The following DCAF8L2 variants were observed in gnomAD, a reference collection of about 807,000 sequenced individuals.
DCAF8L2 encodes the protein DDB1- and CUL4-associated factor 8-like protein 2.
For synonymous variants in DCAF8L2, 200 were observed against 190.9 expected, an observed-to-expected ratio of 1.05 and a Z score of -0.39; for missense variants, 430 against 490.7, an observed-to-expected ratio of 0.88 and a Z score of 1.17.
the DCAF8L2 span, among the ~76,000 whole-genome samples, chrX:27,479,939 G>C: frequency 1.5e-3 from 167 of 111,967 alleles, no homozygotes; most frequent in African/African-American, 5.0e-3. Context: ...GATGGCCTAT[G>C]AGCCAAAAAA....
chrX:27,685,623 A>C (rs1483353736), intron 3 of DCAF8L2, among the ~76,000 whole-genome samples: 1 of 112,035 alleles, frequency 8.9e-6, no homozygotes, highest in Non-Finnish European at 1.9e-5. Context: ...GAAACTTTGA[A>C]AGTATTAGAA....
At position 27,590,344 on chromosome X, in the gene DCAF8L2, G is replaced by A. The variant is rs1022128209; in HGVS notation, c.-438G>A. On this transcript the variant is annotated 5_prime_UTR_variant, in exon 1 of 5. The change creates a new upstream start codon in the 5' untranslated region. Coordinates refer to ENST00000451261, the MANE Select transcript of DCAF8L2 (RefSeq NM_001353450.2). ...GAACCATGAGAGATAGTTTTGTTCT[G>A]TGGAGTCGCAAAAGCTGAACATCCT... 6.3e-5 allele frequency: 7 copies of A among 111,575 alleles called. No homozygotes were observed. In the Middle Eastern group the frequency reaches 0.014, roughly 219 times the overall value. 9.2% of individuals were successfully genotyped at this position (111,575 alleles called of 1,213,427 possible).
upstream of DCAF8L2, among the ~76,000 whole-genome samples, chrX:27,589,714 G>A (rs1234581206): frequency 1.8e-5 from 2 of 112,050 alleles, no homozygotes; most frequent in African/African-American, 6.5e-5. Flanking sequence ...TTGGCTCTAA[G>A]TAATGTTGGA....
At chrX:27,706,620 A>C (rs1931355480) in intron 3 of DCAF8L2, among the ~76,000 whole-genome samples, 1 of 112,087 alleles carries the variant, frequency 8.9e-6, no homozygotes, top group Non-Finnish European at 1.9e-5. Context: ...AAATTTAAAA[A>C]GGCACAATGA....
chrX:27,700,288 G>A (rs978733669), intron 3 of DCAF8L2, among the ~76,000 whole-genome samples: 1 of 110,025 alleles, frequency 9.1e-6, no homozygotes, highest in African/African-American at 3.3e-5. Flanking sequence ...TGACAGGATA[G>A]ATGAAACTAA....
At chrX:27,606,322 T>TTA (rs751849784) in intron 1 of DCAF8L2, among the ~76,000 whole-genome samples, 21 of 62,935 alleles carry the variant, frequency 3.3e-4, no homozygotes, top group East Asian at 1.3e-3. Flanking sequence ...TATATAGGAA[T>TTA]TATATATATA....
the DCAF8L2 span, among the ~76,000 whole-genome samples, chrX:27,578,856 C>T: frequency 2.8e-5 from 3 of 106,202 alleles, no homozygotes. Flanking sequence ...CAATGAGATA[C>T]CACCTCACAC....
chrX:27,588,523 G>A (rs1925958552), upstream of DCAF8L2, among the ~76,000 whole-genome samples: 3 of 111,147 alleles, frequency 2.7e-5, no homozygotes, highest in Admixed American at 2.9e-4. Context: ...TGGTTGAATG[G>A]CAGTTCTGTT....
At chrX:27,547,883 C>CTCTT in the DCAF8L2 span, among the ~76,000 whole-genome samples, 843 of 36,158 alleles carry the variant, frequency 0.023, 27 homozygotes, top group African/African-American at 0.039. Context: ...CTCTCTCTCT[C>CTCTT]TCTCTCTTTC....
At chrX:27,476,064 C>T in the DCAF8L2 span, among the ~76,000 whole-genome samples, 13 of 110,602 alleles carry the variant, frequency 1.2e-4, no homozygotes, top group Non-Finnish European at 2.3e-4. Context: ...TGACTTGAAG[C>T]ATAATAATTA....
the DCAF8L2 span, among the ~76,000 whole-genome samples, chrX:27,533,144 A>AAG: frequency 3.6e-3 from 86 of 23,656 alleles, 3 homozygotes; most frequent in African/African-American, 7.0e-3. Flanking sequence ...GGAAGGAAGA[A>AAG]AGAGAGAGAG....
chrX:27,563,318 A>G, the DCAF8L2 span, among the ~76,000 whole-genome samples: 1 of 111,494 alleles, frequency 9.0e-6, no homozygotes, highest in Admixed American at 9.5e-5. Context: ...AAATTTAGGT[A>G]TTGTTTAAAA....
intron 1 of DCAF8L2, among the ~76,000 whole-genome samples, chrX:27,628,676 T>C (rs1381081016): frequency 9.3e-6 from 1 of 107,500 alleles, no homozygotes; most frequent in Non-Finnish European, 1.9e-5. Context: ...CGATCTCGGC[T>C]CACTGCAAGC....
the DCAF8L2 span, among the ~76,000 whole-genome samples, chrX:27,502,336 AT>A: frequency 0.047 from 513 of 10,830 alleles, 18 homozygotes; most frequent in African/African-American, 0.088. Flanking sequence ...AAAAAAAAAA[AT>A]ATATATATAT....
intron 2 of DCAF8L2, among the ~76,000 whole-genome samples, chrX:27,651,002 G>A (rs1020779649): frequency 9.0e-6 from 1 of 111,668 alleles, no homozygotes; most frequent in African/African-American, 3.3e-5. Flanking sequence ...TGTTTATTGT[G>A]AAGGGATGTT....
intron 1 of DCAF8L2, among the ~76,000 whole-genome samples, chrX:27,625,963 A>G (rs1927989034): frequency 9.0e-6 from 1 of 111,534 alleles, no homozygotes; most frequent in Non-Finnish European, 1.9e-5. Context: ...CCTGTGATAC[A>G]CAATTTGCCT....
intron 2 of DCAF8L2, chrX:27,633,815 A>G (rs1192630957): frequency 8.9e-6 from 1 of 111,777 alleles, no homozygotes; most frequent in African/African-American, 3.3e-5. Context: ...AAAGCTGGTT[A>G]TTTCTGATTG....
chrX:27,509,452 G>A, the DCAF8L2 span, among the ~76,000 whole-genome samples: 5 of 112,202 alleles, frequency 4.5e-5, no homozygotes, highest in Non-Finnish European at 7.5e-5. Flanking sequence ...GAGAACATTC[G>A]TCAGCCAATT....
At chrX:27,579,568 TA>T in the DCAF8L2 span, among the ~76,000 whole-genome samples, 1 of 97,189 alleles carries the variant, frequency 1.0e-5, no homozygotes, top group African/African-American at 4.0e-5. Context: ...TAAAATAAAA[TA>T]AAAAAGAAAC....
Sources: allele counts gnomAD v4.1 joint callset (sites outside exome capture counted in the v4.1 genomes callset), GRCh38; gene constraint gnomAD v4.1.1; transcripts MANE v1.5; gene names NCBI Gene and HGNC (gene_info 2026-07-23, HGNC 2026-07-21).